ST7: variants seen among roughly 807,000 people sequenced by gnomAD.
The protein encoded by ST7 is suppressor of tumorigenicity 7 protein.
Under a neutral mutation model 78.7 loss-of-function variants are expected in ST7, and 28 were observed. The observed-to-expected ratio is 0.36, with a 90% confidence interval of 0.26 to 0.49. The LOEUF (loss-of-function observed/expected upper bound fraction) is 0.49, where lower values mean the gene tolerates loss of function less well. Among genes scored for constraint, ST7 ranks in the 20% least tolerant of loss-of-function variants. The pLI, the probability that ST7 is intolerant of heterozygous loss-of-function variation, is 0.99. For synonymous variants in ST7, 247 were observed against 249.6 expected, an observed-to-expected ratio of 0.99 and a Z score of 0.10; for missense variants, 418 against 696.0, an observed-to-expected ratio of 0.60 and a Z score of 4.49.
chr7:117,223,942 G>C (rs1793281164), intron 15 of ST7: 1 of 974,824 alleles, frequency 1.0e-6, no homozygotes, highest in African/African-American at 1.8e-5. Flanking sequence ...AGAATCAATG[G>C]AAAAATCAGA....
chr7:117,157,434 G>A (rs909118912), intron 9 of ST7, among the ~76,000 whole-genome samples: 3 of 152,166 alleles, frequency 2.0e-5, no homozygotes, highest in Non-Finnish European at 2.9e-5. Context: ...AATGTTAGAA[G>A]GCAAAGTGAA....
At chr7:117,101,804 T>C (rs1347222952) in intron 2 of ST7, among the ~76,000 whole-genome samples, 1 of 152,196 alleles carries the variant, frequency 6.6e-6, no homozygotes, top group Non-Finnish European at 1.5e-5. Flanking sequence ...ATTCTGTTTC[T>C]CTAGAACTAC....
At chr7:117,099,913 T>TA (rs1183170052) in intron 2 of ST7, 69 bp downstream of exon 2, 1 of 1,267,344 alleles carries the variant, frequency 7.9e-7, no homozygotes, top group Non-Finnish European at 1.1e-6. Context: ...GTATGTACAG[T>TA]AAAAAACTCT....
intron 1 of ST7, among the ~76,000 whole-genome samples, chr7:117,032,468 C>T (rs973095286): frequency 2.0e-5 from 3 of 152,048 alleles, no homozygotes; most frequent in Non-Finnish European, 2.9e-5. Flanking sequence ...GAGTTATCGA[C>T]CTTTTTGAGA....
At chr7:117,035,027 G>A (rs1233743457) in intron 1 of ST7, among the ~76,000 whole-genome samples, 1 of 151,902 alleles carries the variant, frequency 6.6e-6, no homozygotes, top group Non-Finnish European at 1.5e-5. Context: ...TTTTACTGTG[G>A]TGTCGCAACA....
intron 2 of ST7, among the ~76,000 whole-genome samples, chr7:117,100,634 A>C (rs1489778804): frequency 6.6e-6 from 1 of 151,710 alleles, no homozygotes; most frequent in East Asian, 1.9e-4. Flanking sequence ...ACATTTATTT[A>C]TGCATTGCTT....
chr7:116,975,550 G>A (rs1294388704), intron 1 of ST7, among the ~76,000 whole-genome samples: 1 of 152,000 alleles, frequency 6.6e-6, no homozygotes, highest in African/African-American at 2.4e-5. Context: ...TGGGATTACA[G>A]GTGCCTGGCT....
At chr7:116,965,609 GT>G (rs1730761538) in intron 1 of ST7, among the ~76,000 whole-genome samples, 1 of 152,198 alleles carries the variant, frequency 6.6e-6, no homozygotes, top group East Asian at 1.9e-4. Flanking sequence ...TCCTATAAAT[GT>G]TTTGTACACT....
chr7:117,179,236 G>A (rs895321208), intron 10 of ST7, among the ~76,000 whole-genome samples: 2 of 152,202 alleles, frequency 1.3e-5, no homozygotes, highest in African/African-American at 4.8e-5. Flanking sequence ...GGATGTAAAT[G>A]TTTGCAAAAT....
intron 1 of ST7, among the ~76,000 whole-genome samples, chr7:116,983,456 C>T (rs930109694): frequency 2.6e-5 from 4 of 152,164 alleles, no homozygotes; most frequent in African/African-American, 9.7e-5. Context: ...TTTGAAACCA[C>T]ATGCTGAGCA....
intron 1 of ST7, among the ~76,000 whole-genome samples, chr7:116,967,915 A>G (rs934228921): frequency 3.3e-5 from 5 of 152,172 alleles, no homozygotes; most frequent in African/African-American, 1.2e-4. Context: ...TCATAGTTAC[A>G]TGTATGTCCT....
chr7:117,063,418 G>A (rs1563052495), intron 1 of ST7, among the ~76,000 whole-genome samples: 2 of 152,154 alleles, frequency 1.3e-5, no homozygotes, highest in African/African-American at 4.8e-5. Flanking sequence ...TTTGTATAAA[G>A]TATTTCAGGG....
chr7:117,120,027 C>T (rs902110119), intron 3 of ST7, among the ~76,000 whole-genome samples: 3 of 151,826 alleles, frequency 2.0e-5, no homozygotes, highest in Middle Eastern at 3.2e-3. Context: ...CTCTTATGCT[C>T]GGGTGATCCT....
chr7:117,211,585 T>C (rs1475335900), intron 13 of ST7, among the ~76,000 whole-genome samples: 2 of 152,048 alleles, frequency 1.3e-5, no homozygotes, highest in Admixed American at 1.3e-4. Context: ...GAAGCATCCA[T>C]TGGGTCTCAT....
intron 1 of ST7, among the ~76,000 whole-genome samples, chr7:117,079,683 A>G (rs936535039): frequency 6.6e-6 from 1 of 152,202 alleles, no homozygotes; most frequent in African/African-American, 2.4e-5. Flanking sequence ...TTAAAGCTAT[A>G]TATGCTTTTA....
intron 9 of ST7, 36 bp from the exon 10 acceptor site, chr7:117,170,826 A>T (rs1807934368): frequency 2.8e-6 from 3 of 1,076,278 alleles, no homozygotes; most frequent in Non-Finnish European, 2.7e-6. Context: ...AGACATACAT[A>T]ATATACTAAT....
chr7:117,139,008 A>G (rs1248764612), intron 9 of ST7, among the ~76,000 whole-genome samples: 4 of 152,302 alleles, frequency 2.6e-5, no homozygotes, highest in Non-Finnish European at 5.9e-5. Context: ...TAATAATATT[A>G]TGAGTTAATC....
chr7:117,183,079 T>C (rs1248146201), intron 10 of ST7, among the ~76,000 whole-genome samples: 1 of 152,084 alleles, frequency 6.6e-6, no homozygotes, highest in African/African-American at 2.4e-5. Flanking sequence ...CATCTTCAGG[T>C]GACCACAAGA....
At chr7:117,066,287 C>T (rs1215327593) in intron 1 of ST7, among the ~76,000 whole-genome samples, 1 of 152,112 alleles carries the variant, frequency 6.6e-6, no homozygotes, top group Non-Finnish European at 1.5e-5. Flanking sequence ...CAGGTTTCCT[C>T]AACAAAACTA....
Sources: gnomAD v4.1 joint callset for allele counts (sites outside exome capture counted in the v4.1 genomes callset) on GRCh38, gnomAD v4.1.1 for gene constraint, MANE v1.5 for transcripts, NCBI Gene and HGNC (gene_info 2026-07-23, HGNC 2026-07-21) for gene names.